UTRN: variants seen among roughly 807,000 people sequenced by gnomAD.
UTRN encodes dystrophin-related protein 1.
UTRN carries 283 observed loss-of-function variants against 463.9 expected under a neutral mutation model. The observed-to-expected ratio is 0.61, with a 90% CI of 0.55 to 0.67. The LOEUF is 0.67. Ranked by LOEUF, UTRN falls within the 30% of genes least tolerant of loss-of-function variation. The pLI is 0.00. For synonymous variants in UTRN, 1,442 were observed against 1,431.5 expected (o/e 1.01, Z -0.17); for missense variants, 3,922 against 4,084.3 (o/e 0.96, Z 1.08).
chr6:144,464,648 A>C (rs1486779656), intron 23 of UTRN, among the ~76,000 whole-genome samples: 2 of 152,004 alleles, frequency 1.3e-5, no homozygotes, highest in Non-Finnish European at 2.9e-5. Context: ...CTACAGGCAC[A>C]TGCCACTATG....
rs376491887 is a variant in UTRN at position 144,346,685 on chromosome 6, T to C, written c.79+54778T>C. ...TAAAAATACAAAAATTAGCTGGGTGTGGTGGTGGGTGCCTGAAATCCCAGC... is the reference window on the plus strand; with the variant it reads ...TAAAAATACAAAAATTAGCTGGGTGCGGTGGTGGGTGCCTGAAATCCCAGC... On this transcript the variant is annotated intron_variant, in intron 2 of 74. Transcript: ENST00000367545. 3.3e-5 allele frequency among the ~76,000 whole-genome samples: 5 copies of C among 152,170 alleles called. No individual in the cohort carries two copies. The East Asian group carries it at 5.8e-4, about 18-fold the overall frequency.
chr6:144,624,660 AAGG>A (rs1212552499), intron 51 of UTRN, among the ~76,000 whole-genome samples: 1 of 152,058 alleles, frequency 6.6e-6, no homozygotes, highest in African/African-American at 2.4e-5. Flanking sequence ...GGGCAATGGG[AAGG>A]AGATGAGGAG....
At chr6:144,581,052 G>A (rs1020134637) in intron 51 of UTRN, among the ~76,000 whole-genome samples, 1 of 152,226 alleles carries the variant, frequency 6.6e-6, no homozygotes, top group Non-Finnish European at 1.5e-5. Context: ...AGGGTTGCAA[G>A]TTAGCGGGAA....
At chr6:144,655,319 A>G (rs563432192) in intron 51 of UTRN, among the ~76,000 whole-genome samples, 1 of 152,340 alleles carries the variant, frequency 6.6e-6, no homozygotes, top group Admixed American at 6.5e-5. Flanking sequence ...TCTCTCCCTA[A>G]TGGAACTTCA....
chr6:144,558,602 G>A (rs980549428), intron 50 of UTRN, among the ~76,000 whole-genome samples: 1 of 152,038 alleles, frequency 6.6e-6, no homozygotes, highest in African/African-American at 2.4e-5. Flanking sequence ...TGCACGTTGT[G>A]CACATGTACC....
chr6:144,578,711 T>C (rs1801682300), intron 51 of UTRN, among the ~76,000 whole-genome samples: 1 of 152,236 alleles, frequency 6.6e-6, no homozygotes. Context: ...TTATATTATC[T>C]GTATTGTTGC....
At chr6:144,727,515 T>A (rs1029189883) in intron 53 of UTRN, among the ~76,000 whole-genome samples, 2 of 152,150 alleles carry the variant, frequency 1.3e-5, no homozygotes, top group African/African-American at 4.8e-5. Flanking sequence ...TCCCAGCACT[T>A]TGGGAGGCCA....
chr6:144,622,184 G>GTTTTTTGTTTTTTTT (rs1775469556), intron 51 of UTRN, among the ~76,000 whole-genome samples: 1 of 88,202 alleles, frequency 1.1e-5, no homozygotes, highest in African/African-American at 4.3e-5. Flanking sequence ...TTTTTTTGTT[G>GTTTTTTGTTTTTTTT]TTTTTTTTTT....
chr6:144,559,585 T>G (rs546503338), intron 50 of UTRN, among the ~76,000 whole-genome samples: 1 of 152,122 alleles, frequency 6.6e-6, no homozygotes, highest in Non-Finnish European at 1.5e-5. Flanking sequence ...CTTGGTAGTA[T>G]TGTTGCAAAG....
Position 144,485,390 on chromosome 6 carries a change from C to T in UTRN, c.3693C>T (p.Val1231=), listed in dbSNP as rs774214273. ...TAAAATTTTTCATGCTTTAGGAGGT[C>T]TGGTCTTGTTGGATTGAACTGCTTC... ...IRGKCHTLEE[V]WSCWIELLHY... is the part of the protein sequence containing the mutation. The change falls in exon 28 of 75, where the codon GTC becomes GTT. Residue 1231 remains valine, a synonymous_variant. Transcript: ENST00000367545. The T allele has an allele frequency of 1.2e-5, 20 of 1,613,876 alleles. No homozygotes were observed. The highest frequency in any genetic ancestry group is 1.6e-5 in the Non-Finnish European group (19 of 1,179,976).
intron 3 of UTRN, among the ~76,000 whole-genome samples, chr6:144,406,117 A>G (rs62427162): frequency 0.067 from 10,134 of 152,282 alleles, 512 homozygotes; most frequent in Non-Finnish European, 0.099. Flanking sequence ...TTTCTTGTGT[A>G]AAACATGTGT....
chr6:144,713,433 C>G (rs1785963745), intron 53 of UTRN, among the ~76,000 whole-genome samples: 1 of 137,228 alleles, frequency 7.3e-6, no homozygotes, highest in African/African-American at 3.1e-5. Context: ...TGGTGAAACC[C>G]CATCTCTACT....
intron 51 of UTRN, among the ~76,000 whole-genome samples, chr6:144,616,300 A>G (rs1046118146): frequency 6.6e-6 from 1 of 152,228 alleles, no homozygotes; most frequent in Non-Finnish European, 1.5e-5. Context: ...GAACTACTTA[A>G]TAAAGCAGGG....
intron 2 of UTRN, among the ~76,000 whole-genome samples, chr6:144,315,622 G>A (rs1413327126): frequency 1.3e-5 from 2 of 152,208 alleles, no homozygotes; most frequent in African/African-American, 4.8e-5. Flanking sequence ...CGCCCACTCT[G>A]GAGAGACACA....
Position 144,444,301 on chromosome 6 carries a change from A to C in UTRN, c.1533A>C (p.Thr511=). 6.2e-7 allele frequency: 1 copy of C among 1,611,698 alleles called. No individual in the cohort carries two copies. Among genetic ancestry groups the C allele is most frequent in the Non-Finnish European group, 8.5e-7 (1 of 1,178,636 alleles). The change falls in exon 14 of 75, where the codon ACA becomes ACC. Residue 511 remains threonine (T), a synonymous_variant. Coordinates refer to ENST00000367545, the MANE Select transcript of UTRN (RefSeq NM_007124.3). ...DQLQKLGERW[T]AVCRWTEERW... ...TCTAGAAACTTGGTGAGCGCTGGAC[A>C]GCAGTATGCCGTTGGACTGAAGAAC...
At chr6:144,458,661 C>G (rs961058309) in intron 19 of UTRN, 109 bp from the exon 20 acceptor site, 1 of 1,305,102 alleles carries the variant, frequency 7.7e-7, no homozygotes, top group Non-Finnish European at 1.0e-6. Flanking sequence ...AGAAAGTGAT[C>G]ATTATGTGTG....
At chr6:144,368,950 C>G (rs1779749337) in intron 2 of UTRN, among the ~76,000 whole-genome samples, 3 of 152,008 alleles carry the variant, frequency 2.0e-5, no homozygotes, top group African/African-American at 4.8e-5. Flanking sequence ...TTTGGTTTAT[C>G]TTTTAATTTC....
rs376358907 is a variant in UTRN, at chr6:144,574,704, C to T, written c.7290-2395C>T. On this transcript the variant is annotated intron_variant, in intron 50 of 74. Transcript: ENST00000367545. Reference sequence around the variant, plus strand: ...CAAGCAATTCTTACTGCCTCAGCCTCCTGAGTAGCTGGGATTACAGGCATG... The same window carrying T: ...CAAGCAATTCTTACTGCCTCAGCCTTCTGAGTAGCTGGGATTACAGGCATG... 1.4e-4 allele frequency among the ~76,000 whole-genome samples: 21 copies of T among 152,226 alleles called. No homozygotes were observed. The East Asian group carries it at 1.9e-3, about 14-fold the overall frequency.
At chr6:144,467,294 T>A (rs964633579) in intron 23 of UTRN, among the ~76,000 whole-genome samples, 2 of 152,212 alleles carry the variant, frequency 1.3e-5, no homozygotes, top group African/African-American at 4.8e-5. Context: ...TAGATAATCG[T>A]TCCCTCCTCT....
Sources: gnomAD v4.1 joint callset for allele counts (sites outside exome capture counted in the v4.1 genomes callset) on GRCh38, gnomAD v4.1.1 for gene constraint, MANE v1.5 for transcripts, NCBI Gene and HGNC (gene_info 2026-07-23, HGNC 2026-07-21) for gene names.